PLD3: variants seen among roughly 807,000 people sequenced by gnomAD.
PLD3 encodes 5'-3' exonuclease PLD3.
PLD3 carries 31 observed loss-of-function variants against 58.4 expected under a neutral mutation model. The ratio of observed to expected loss-of-function variants is 0.53; its 90% CI spans 0.40 to 0.72. The LOEUF (loss-of-function observed/expected upper bound fraction) is 0.72. PLD3 is among the 30% of genes least tolerant of loss of function. PLD3 has a pLI of 0.00. For synonymous variants in PLD3, 264 were observed against 273.4 expected (o/e 0.97, Z 0.34); for missense variants, 595 against 659.8 (o/e 0.90, Z 1.08).
chr19:40,369,562 C>G (rs181626422), intron 6 of PLD3, among the ~76,000 whole-genome samples: 2 of 152,216 alleles, frequency 1.3e-5, no homozygotes, highest in East Asian at 3.9e-4. Flanking sequence ...GTGCCTCACC[C>G]GATACCTTCC....
At chr19:40,355,135 G>A (rs1441682760) in intron 1 of PLD3, among the ~76,000 whole-genome samples, 2 of 151,982 alleles carry the variant, frequency 1.3e-5, no homozygotes, top group African/African-American at 4.8e-5. Flanking sequence ...CACCATGCCC[G>A]ACCCTGTTGT....
rs112274606 is a variant in PLD3 at position 40,369,904 on chromosome 19, G to A, written c.430-4G>A. ...GCCCCTCAGAAGCTCTCCCCTCCCC[G>A]CAGGGTGAGGAGGTCCTCCGGCAGC... On this transcript the variant is annotated splice_region_variant and splice_polypyrimidine_tract_variant and intron_variant, in intron 6 of 12. Coordinates refer to ENST00000409735, the MANE Select transcript of PLD3 (RefSeq NM_012268.4). The A allele has an allele frequency of 6.8e-4, 1,053 of 1,553,040 alleles. 9 individuals are homozygous for A. In the African/African-American group the frequency reaches 0.012, roughly 18 times the overall value.
intron 1 of PLD3, among the ~76,000 whole-genome samples, chr19:40,365,094 A>T (rs901218012): frequency 6.6e-6 from 1 of 152,176 alleles, no homozygotes; most frequent in African/African-American, 2.4e-5. Context: ...TTCTGCAGTT[A>T]TCTCTTGACT....
intron 9 of PLD3, among the ~76,000 whole-genome samples, chr19:40,373,159 G>C (rs374826645): frequency 6.6e-6 from 1 of 152,206 alleles, no homozygotes; most frequent in Non-Finnish European, 1.5e-5. Flanking sequence ...ACCCTAAGGC[G>C]TGGACGTAGG....
At chr19:40,357,030 G>A (rs1218752418) in intron 1 of PLD3, 1 of 152,084 alleles carries the variant, frequency 6.6e-6, no homozygotes, top group African/African-American at 2.4e-5. Flanking sequence ...ATTTTAAAGG[G>A]TCCGTTGAAA....
Position 40,378,260 on chromosome 19 carries a change from C to A in PLD3, c.*87C>A. On this transcript the variant is annotated 3_prime_UTR_variant, in exon 13 of 13. Transcript: ENST00000409735. ...CACGGTCCCTGTCCCCGCGCCCCCG[C>A]TTCTGTCTGCCCCATTGTGGCTCCT... 2 of 1,217,448 alleles carry A rather than the reference C, an allele frequency of 1.6e-6. No individual in the cohort carries two copies. Among genetic ancestry groups the A allele is most frequent in the Non-Finnish European group, 2.4e-6 (2 of 832,132 alleles). 75.4% of individuals were successfully genotyped at this position (1,217,448 alleles called of 1,614,324 possible).
Position 40,367,708 on chromosome 19 carries a change from G to A in PLD3, c.258G>A (p.Val86=), listed in dbSNP as rs752215238. ...CCCCACCCCCCAGAGCAGTGCTGGT[G>A]GAAAGCATTCCTGAGGGCCTGGACT... ...PCYDPCEAVL[V]ESIPEGLDFP... is the part of the protein sequence containing the mutation. Residue 86 remains valine (V), a synonymous_variant, in exon 6 of 13, where the codon GTG becomes GTA. Coordinates refer to ENST00000409735, the MANE Select transcript of PLD3 (RefSeq NM_012268.4). 1 of 1,610,990 alleles carries A rather than the reference G, an allele frequency of 6.2e-7. No individual in the cohort carries two copies. The highest frequency in any genetic ancestry group is 2.2e-5 in the East Asian group (1 of 44,766).
At chr19:40,355,536 T>A (rs2078634416) in intron 1 of PLD3, among the ~76,000 whole-genome samples, 1 of 150,900 alleles carries the variant, frequency 6.6e-6, no homozygotes, top group Non-Finnish European at 1.5e-5. Flanking sequence ...GGTCTCGAAC[T>A]GCCAACCTCA....
In PLD3 at chr19:40,367,803, G is replaced by A. The variant is rs2078966942; in HGVS notation, c.353G>A (p.Ser118Asn). The A allele has an allele frequency of 6.2e-7, 1 of 1,608,942 alleles. No individual in the cohort carries two copies. ...CTGGGCCTGCTCGCCGGTGCGCACA[G>A]CAGCCTGGACATCGCCTCCTTCTAC... ...AWLGLLAGAHSSLDIASFYWT... is the reference protein window; with the variant it reads ...AWLGLLAGAHNSLDIASFYWT... Residue 118 changes from serine (S) to asparagine (N), a missense_variant, in exon 6 of 13, where the codon AGC becomes AAC. Transcript: ENST00000409735.
At chr19:40,350,277 A>AC (rs1463660598) in intron 1 of PLD3, among the ~76,000 whole-genome samples, 1 of 151,820 alleles carries the variant, frequency 6.6e-6, no homozygotes, top group Non-Finnish European at 1.5e-5. Context: ...AAAAAAAAAA[A>AC]AAAAAACTGC....
rs898849990 is a variant in PLD3, at chr19:40,374,931, G to A, written c.1019+311G>A. 1.2e-4 allele frequency: 40 copies of A among 334,190 alleles called. No individual in the cohort carries two copies. The Admixed American group carries it at 1.8e-3, about 15-fold the overall frequency. 20.7% of individuals were successfully genotyped at this position (334,190 alleles called of 1,614,324 possible). A position where few individuals can be genotyped will look rare whatever the true frequency, so the allele number is the denominator to read the frequency against. ...AACATTTTGCGGGGCTGAGGTGGGT[G>A]GATCACTTGAGGTCAGGAGTTCAAG... On this transcript the variant is annotated intron_variant, in intron 10 of 12. Transcript: ENST00000409735.
chr19:40,359,752 G>T (rs2078736287), intron 1 of PLD3: 1 of 152,200 alleles, frequency 6.6e-6, no homozygotes, highest in South Asian at 2.1e-4. Context: ...TGGGATGGGG[G>T]ATGCCTTTGC....
At chr19:40,363,006 C>A (rs117066545) in intron 1 of PLD3, among the ~76,000 whole-genome samples, 4 of 152,090 alleles carry the variant, frequency 2.6e-5, no homozygotes, top group African/African-American at 9.7e-5. Flanking sequence ...CTCAAGCAGT[C>A]CTCTCACCTC....
At chr19:40,351,818 G>T (rs748432325) in intron 1 of PLD3, among the ~76,000 whole-genome samples, 3 of 152,164 alleles carry the variant, frequency 2.0e-5, no homozygotes, top group Non-Finnish European at 4.4e-5. Context: ...GAGGGATGCG[G>T]TCCAGTGTGA....
intron 5 of PLD3, chr19:40,367,377 T>A: frequency 3.6e-6 from 1 of 276,646 alleles, no homozygotes; most frequent in Non-Finnish European, 6.8e-6. Context: ...GCCCAGGAGT[T>A]CCAGACCAGC....
intron 1 of PLD3, chr19:40,358,823 G>A (rs1456914902): frequency 6.6e-6 from 1 of 152,258 alleles, no homozygotes; most frequent in Non-Finnish European, 1.5e-5. Context: ...TTAAAGGGCT[G>A]CTGTAGAGGA....
At chr19:40,350,332 G>A (rs909413355) in intron 1 of PLD3, among the ~76,000 whole-genome samples, 2 of 150,720 alleles carry the variant, frequency 1.3e-5, no homozygotes, top group African/African-American at 4.9e-5. Context: ...CTCAGTTACT[G>A]CATCTGCAAT....
intron 2 of PLD3, 140 bp from the exon 3 acceptor site, chr19:40,366,279 G>A: frequency 1.6e-6 from 1 of 620,106 alleles, no homozygotes; most frequent in South Asian, 1.9e-5. Context: ...CCAGTGACCA[G>A]CTTCCTCTTT....
chr19:40,368,072 T>A (rs2078973888), intron 6 of PLD3, among the ~76,000 whole-genome samples, 193 bp downstream of exon 6: 1 of 152,150 alleles, frequency 6.6e-6, no homozygotes, highest in South Asian at 2.1e-4. Flanking sequence ...GTCACGGTCA[T>A]CTGTAGGCCT....
Sources: allele counts gnomAD v4.1 joint callset (sites outside exome capture counted in the v4.1 genomes callset), GRCh38; gene constraint gnomAD v4.1.1; transcripts MANE v1.5; gene names NCBI Gene and HGNC (gene_info 2026-07-23, HGNC 2026-07-21).